CRACD: variants seen among roughly 807,000 people sequenced by gnomAD.
CRACD encodes the protein capping protein inhibiting regulator of actin dynamics.
A neutral mutation model predicts 106.8 loss-of-function variants in CRACD; 56 were observed. The ratio of observed to expected loss-of-function variants is 0.52; its 90% confidence interval spans 0.42 to 0.66. CRACD has a LOEUF of 0.66. Among genes scored for constraint, CRACD ranks in the 30% least tolerant of loss-of-function variants. The pLI is 0.00. For missense variants in CRACD, 1,730 were observed against 1,623.2 expected (o/e 1.07, Z -1.13); for synonymous variants, 754 against 670.8 (o/e 1.12, Z -1.92).
intron 2 of CRACD, among the ~76,000 whole-genome samples, chr4:56,251,274 T>G (rs1741041333): frequency 6.6e-6 from 1 of 152,232 alleles, no homozygotes; most frequent in Non-Finnish European, 1.5e-5. Context: ...TTCACTCATT[T>G]GGCATCTAAC....
intron 1 of CRACD, among the ~76,000 whole-genome samples, chr4:56,151,422 T>G (rs956689615): frequency 3.3e-5 from 5 of 152,130 alleles, no homozygotes; most frequent in African/African-American, 1.2e-4. Context: ...GTCTCAAATT[T>G]ACAGAAAAGT....
intron 2 of CRACD, among the ~76,000 whole-genome samples, chr4:56,201,468 G>A (rs1253313885): frequency 6.6e-6 from 1 of 152,140 alleles, no homozygotes; most frequent in Non-Finnish European, 1.5e-5. Context: ...GGGCAAACTT[G>A]GCACTGGGCA....
At position 56,323,415 on chromosome 4, in the gene CRACD, T is replaced by C; in HGVS notation, c.3226T>C (p.Ser1076Pro). Residue 1076 changes from serine (S) to proline (P), a missense_variant, in exon 9 of 11, where the codon TCC (serine) becomes CCC (proline). Around this residue, in one of 5 missense-constraint regions of CRACD, gnomAD observed 1,620 missense variants for 1,481.6 expected, o/e 1.09. Transcript: ENST00000682029. ...MLQSRHSLDG[S>P]KLTEKVETAQ... ...TCAGAGCAGACACTCCTTAGATGGC[T>C]CCAAACTTACAGAGAAAGTGGAAAC... 6.2e-7 allele frequency: 1 copy of C among 1,611,054 alleles called. No individual in the cohort carries two copies.
At position 56,323,526 on chromosome 4, in the gene CRACD, G is replaced by T; in HGVS notation, c.3337G>T (p.Ala1113Ser). 6.3e-7 allele frequency: 1 copy of T among 1,598,186 alleles called. No homozygotes were observed. Among genetic ancestry groups the T allele is most frequent in the Non-Finnish European group, 8.5e-7 (1 of 1,176,004 alleles). ...GGCGACGCGGGAGGAGAGAAAGCAA[G>T]CCAGAGAGGCCAAACAGGCAGAAAA... The part of the protein sequence containing the change: ...QQATREERKQ[A>S]REAKQAEKLS... Residue 1113 changes from alanine to serine, a missense_variant, in exon 9 of 11, where the codon GCC becomes TCC. Physicochemically the swap from Ala to Ser is moderately conservative, Grantham distance 99. Transcript: ENST00000682029.
chr4:56,285,466 G>A (rs1485793756), intron 3 of CRACD, among the ~76,000 whole-genome samples: 1 of 151,780 alleles, frequency 6.6e-6, no homozygotes, highest in East Asian at 1.9e-4. Context: ...AAGAGACAAT[G>A]TCTTGCTCTG....
At chr4:56,221,180 G>A (rs543184084) in intron 2 of CRACD, among the ~76,000 whole-genome samples, 5 of 152,088 alleles carry the variant, frequency 3.3e-5, no homozygotes, top group Admixed American at 2.6e-4. Context: ...GATCAGATCC[G>A]CATTTTAGAA....
At chr4:56,133,257 A>G (rs1330706792) in intron 1 of CRACD, among the ~76,000 whole-genome samples, 2 of 152,224 alleles carry the variant, frequency 1.3e-5, no homozygotes, top group Non-Finnish European at 2.9e-5. Context: ...CACTAAATAG[A>G]GTAGTAATAT....
intron 3 of CRACD, among the ~76,000 whole-genome samples, chr4:56,294,665 G>A (rs1743885371): frequency 6.6e-6 from 1 of 152,092 alleles, no homozygotes. Flanking sequence ...TATAATCCCA[G>A]TACTTTGGGA....
At chr4:56,061,871 T>G (rs1732289420) in intron 1 of CRACD, among the ~76,000 whole-genome samples, 1 of 152,210 alleles carries the variant, frequency 6.6e-6, no homozygotes, top group Non-Finnish European at 1.5e-5. Flanking sequence ...GGGAATTCAG[T>G]CTCTTCAGCA....
intron 2 of CRACD, among the ~76,000 whole-genome samples, chr4:56,269,488 C>A (rs561094489): frequency 6.6e-6 from 1 of 151,318 alleles, no homozygotes; most frequent in African/African-American, 2.4e-5. Flanking sequence ...GAGAGCTCTA[C>A]AGGGCTGAAA....
At chr4:56,300,530 A>AC (rs1281818367) in intron 4 of CRACD, among the ~76,000 whole-genome samples, 2 of 151,798 alleles carry the variant, frequency 1.3e-5, no homozygotes, top group African/African-American at 2.4e-5. Flanking sequence ...GAAAACCTTG[A>AC]CCCCCCTCCT....
intron 2 of CRACD, among the ~76,000 whole-genome samples, chr4:56,259,362 G>T (rs1248939507): frequency 3.9e-5 from 6 of 152,116 alleles, no homozygotes; most frequent in Non-Finnish European, 8.8e-5. Flanking sequence ...TGTCTCTTGA[G>T]GCCATCTCCT....
At chr4:56,270,011 T>C (rs189256033) in intron 2 of CRACD, among the ~76,000 whole-genome samples, 63 of 152,338 alleles carry the variant, frequency 4.1e-4, no homozygotes, top group African/African-American at 1.2e-3. Context: ...GCATCTGATA[T>C]GTTTTAAATA....
chr4:56,161,375 T>C (rs1035522714), intron 1 of CRACD, among the ~76,000 whole-genome samples: 22 of 152,160 alleles, frequency 1.4e-4, no homozygotes, highest in African/African-American at 5.1e-4. Flanking sequence ...ATTTGGAGCT[T>C]GAGAATGATT....
intron 2 of CRACD, among the ~76,000 whole-genome samples, chr4:56,222,377 G>A (rs1427712596): frequency 6.6e-6 from 1 of 152,146 alleles, no homozygotes; most frequent in East Asian, 1.9e-4. Context: ...ATGCACTTTG[G>A]AGACTCTGAA....
intron 2 of CRACD, among the ~76,000 whole-genome samples, chr4:56,215,050 C>T (rs1282130702): frequency 3.9e-5 from 6 of 152,100 alleles, no homozygotes; most frequent in African/African-American, 1.2e-4. Flanking sequence ...TGCTCTTTCA[C>T]CCAAGCTGGA....
chr4:56,314,425 G>A lies in CRACD; in HGVS notation c.923G>A (p.Arg308His), dbSNP rs1560534374. The change falls in exon 8 of 11, where the codon CGT (arginine) becomes CAT (histidine). Residue 308 changes from arginine to histidine, a missense_variant. This residue lies in a region of CRACD where 1,620 missense variants were observed against 1,481.6 expected (regional missense o/e 1.09). Coordinates refer to ENST00000682029, the MANE Select transcript of CRACD (RefSeq NM_001393381.1). This position sits in a 1 kb window ranked among gnomAD's most constrained non-coding sequence, Gnocchi z 4.4. ...PGWEDAERRE[R>H]EERERLEAEE... ...TGGGAGGACGCGGAGCGGAGGGAGC[G>A]TGAGGAGCGCGAGCGCCTGGAGGCG... The A allele has an allele frequency of 6.5e-7, 1 of 1,542,746 alleles. No homozygotes were observed. The highest frequency in any genetic ancestry group is 2.0e-5 in the Admixed American group (1 of 50,236).
At chr4:56,292,741 G>A (rs1261674375) in intron 3 of CRACD, among the ~76,000 whole-genome samples, 1 of 152,036 alleles carries the variant, frequency 6.6e-6, no homozygotes, top group Non-Finnish European at 1.5e-5. Context: ...AACCAGGATG[G>A]TCTCCATCTC....
At chr4:56,104,982 A>G (rs1733901196) in intron 1 of CRACD, among the ~76,000 whole-genome samples, 2 of 150,438 alleles carry the variant, frequency 1.3e-5, no homozygotes, top group Non-Finnish European at 3.0e-5. Flanking sequence ...AAAAAAAAAA[A>G]AAGCTAATAA....
Sources: gnomAD v4.1 joint callset for allele counts (sites outside exome capture counted in the v4.1 genomes callset) on GRCh38, gnomAD v4.1.1 for gene constraint, gnomAD v4.1.1 regional missense constraint, Gnocchi (gnomAD v3.1) non-coding constraint, MANE v1.5 for transcripts, NCBI Gene and HGNC (gene_info 2026-07-23, HGNC 2026-07-21) for gene names.